SYNE2: variants seen among roughly 807,000 people sequenced by gnomAD.
SYNE2 encodes the protein spectrin repeat containing nuclear envelope protein 2.
Under a neutral mutation model 856.3 loss-of-function variants are expected in SYNE2, and 431 were observed. The observed-to-expected ratio is 0.50, with a 90% CI of 0.47 to 0.55. SYNE2 has a LOEUF of 0.55. Among genes scored for constraint, SYNE2 ranks in the 20% least tolerant of loss-of-function variants. The probability of loss-of-function intolerance (pLI) is 0.00; values close to 1 mark genes in which losing one functional copy is unlikely to be tolerated. For missense variants in SYNE2, 8,129 were observed against 8,023.2 expected (o/e 1.01, Z -0.50); for synonymous variants, 2,923 against 2,872.3 (o/e 1.02, Z -0.56).
At chr14:64,090,766 A>T in intron 59 of SYNE2, 100 bp from the exon 60 acceptor site, 1 of 1,084,872 alleles carries the variant, frequency 9.2e-7, no homozygotes, top group Non-Finnish European at 1.3e-6. Context: ...TTAAAAATGC[A>T]AACTATAAAA....
At chr14:63,841,644 A>G (rs1467193517) in intron 1 of SYNE2, among the ~76,000 whole-genome samples, 1 of 152,202 alleles carries the variant, frequency 6.6e-6, no homozygotes, top group African/African-American at 2.4e-5. Context: ...ACAGAGCCAC[A>G]TGAACAGAGT....
intron 1 of SYNE2, among the ~76,000 whole-genome samples, chr14:63,795,575 C>G (rs1272228425): frequency 2.6e-5 from 4 of 152,070 alleles, no homozygotes; most frequent in Non-Finnish European, 5.9e-5. Context: ...AGAACTAATA[C>G]AGATGGGGGT....
chr14:64,184,641 C>A (rs1422796051), intron 96 of SYNE2, among the ~76,000 whole-genome samples: 1 of 152,158 alleles, frequency 6.6e-6, no homozygotes, highest in Non-Finnish European at 1.5e-5. Context: ...GTAAGTGGTA[C>A]ACCTCAGCTG....
chr14:63,936,886 G>A (rs929837987), intron 2 of SYNE2, among the ~76,000 whole-genome samples: 8 of 152,146 alleles, frequency 5.3e-5, no homozygotes, highest in Non-Finnish European at 1.5e-5. Flanking sequence ...GAGGTGGTGA[G>A]AAGTGGTCAT....
chr14:63,852,648 C>T (rs1433239048), upstream of SYNE2, among the ~76,000 whole-genome samples: 1 of 152,202 alleles, frequency 6.6e-6, no homozygotes, highest in African/African-American at 2.4e-5. Flanking sequence ...TCTCTAACTC[C>T]TACTTCCAAG....
At chr14:64,193,267 C>T (rs867684522) in intron 99 of SYNE2, among the ~76,000 whole-genome samples, 3 of 152,136 alleles carry the variant, frequency 2.0e-5, no homozygotes, top group Admixed American at 6.5e-5. Context: ...AAAATAAGAT[C>T]GGCCAGGCAT....
intron 30 of SYNE2, among the ~76,000 whole-genome samples, chr14:64,005,760 T>C (rs146577048): frequency 3.1e-3 from 467 of 152,278 alleles, no homozygotes; most frequent in Non-Finnish European, 5.3e-3. Context: ...AGGTATATAT[T>C]TGAGAGTTTT....
chr14:64,108,122 G>A (rs1268623911), intron 65 of SYNE2, among the ~76,000 whole-genome samples: 1 of 152,178 alleles, frequency 6.6e-6, no homozygotes, highest in South Asian at 2.1e-4. Context: ...GCCAATGCAG[G>A]TGGATCACCT....
At chr14:64,190,563 G>T (rs997425682) in intron 99 of SYNE2, 96 of 699,052 alleles carry the variant, frequency 1.4e-4, no homozygotes, top group Non-Finnish European at 1.7e-4. Context: ...GCATTTGTGT[G>T]TCCCCACAGT....
At position 64,119,659 on chromosome 14, in the gene SYNE2, G is replaced by C. The variant is rs972698088; in HGVS notation, c.13023+50G>C. ...TTCATCTTGATACACATATGTGGCA[G>C]ACCTGCCAGAAGAGAACTCTGGTTG... On this transcript the variant is annotated intron_variant, in intron 67 of 115. Coordinates refer to ENST00000555002, the MANE Select transcript of SYNE2 (RefSeq NM_182914.3). The C allele has an allele frequency of 2.5e-6, 4 of 1,591,714 alleles. No individual in the cohort carries two copies. In the African/African-American group the frequency reaches 4.0e-5, roughly 16 times the overall value.
chr14:63,980,783 T>C, intron 15 of SYNE2, 51 bp downstream of exon 15: 1 of 1,293,132 alleles, frequency 7.7e-7, no homozygotes, highest in Non-Finnish European at 1.1e-6. Flanking sequence ...TTAACAGTGA[T>C]GTTTTATCTG....
intron 2 of SYNE2, among the ~76,000 whole-genome samples, chr14:63,930,708 G>A (rs529743074): frequency 7.9e-5 from 12 of 152,026 alleles, no homozygotes; most frequent in African/African-American, 2.9e-4. Flanking sequence ...CTAACTTTTT[G>A]TATTTTTAGT....
chr14:64,149,616 A>G (rs1184835921), intron 84 of SYNE2, among the ~76,000 whole-genome samples: 2 of 152,214 alleles, frequency 1.3e-5, no homozygotes, highest in Non-Finnish European at 2.9e-5. Context: ...TGATGCCTCT[A>G]TACTATAAGC....
intron 14 of SYNE2, 123 bp from the exon 15 acceptor site, chr14:63,980,531 A>C: frequency 1.5e-6 from 1 of 673,948 alleles, no homozygotes; most frequent in Admixed American, 2.3e-5. Flanking sequence ...AATATGTAGT[A>C]TTAAAGCCCT....
At position 64,093,350 on chromosome 14, in the gene SYNE2, TAG is replaced by T. The variant is rs2097646576; in HGVS notation, c.11979_11980del (p.Val3994HisfsTer6). On this transcript the variant is annotated frameshift_variant and splice_region_variant, in exon 61 of 116. Transcript: ENST00000555002. LOFTEE classifies it high-confidence loss of function. Reference sequence around the variant, plus strand: ...TTTTTTGTGGGGGTTATTTTATAGGTAGTCATAAAACAGACCAATGAATGGGA... The same window carrying T: ...TTTTTTGTGGGGGTTATTTTATAGGTTCATAAAACAGACCAATGAATGGGA... 6.2e-7 allele frequency: 1 copy of T among 1,613,616 alleles called. No homozygotes were observed. Among genetic ancestry groups the T allele is most frequent in the Non-Finnish European group, 8.5e-7 (1 of 1,179,736 alleles).
chr14:63,894,013 T>C (rs1220154798), intron 1 of SYNE2, among the ~76,000 whole-genome samples: 1 of 152,194 alleles, frequency 6.6e-6, no homozygotes, highest in East Asian at 1.9e-4. Flanking sequence ...CAGTTACTTC[T>C]TTGGGGAAAA....
At chr14:64,113,604 C>G (rs1271392284) in intron 66 of SYNE2, 33 bp downstream of exon 66, 1 of 1,568,034 alleles carries the variant, frequency 6.4e-7, no homozygotes, top group Admixed American at 1.9e-5. Context: ...CATGGTTTGC[C>G]TCTCCACCAA....
At chr14:63,771,896 C>CAAAAAAAAAAAAAAAAAAAAAAAAAA (rs59481661) in intron 1 of SYNE2, among the ~76,000 whole-genome samples, 2 of 148,036 alleles carry the variant, frequency 1.4e-5, no homozygotes, top group African/African-American at 5.3e-5. Context: ...GACTCTGTCT[C>CAAAAAAAAAAAAAAAAAAAAAAAAAA]AAAAAGCAAA....
At chr14:64,118,257 G>A (rs2097867024) in intron 66 of SYNE2, among the ~76,000 whole-genome samples, 1 of 152,170 alleles carries the variant, frequency 6.6e-6, no homozygotes, top group Admixed American at 6.5e-5. Context: ...CCAGCCAGCT[G>A]GCATGACCGA....
Sources: allele counts gnomAD v4.1 joint callset (sites outside exome capture counted in the v4.1 genomes callset), GRCh38; gene constraint gnomAD v4.1.1; transcripts MANE v1.5; gene names NCBI Gene and HGNC (gene_info 2026-07-23, HGNC 2026-07-21).